Variants in LY96 observed in about 807,000 individuals in gnomAD.
The protein encoded by LY96 is myeloid differentiation protein-2.
A neutral mutation model predicts 18.9 loss-of-function variants in LY96; 18 were observed. The ratio of observed to expected loss-of-function variants is 0.95; its 90% CI spans 0.66 to 1.41. The LOEUF is 1.41. Ranked by LOEUF, LY96 falls within the 40% of genes most tolerant of loss-of-function variation. The pLI, the probability that LY96 is intolerant of heterozygous loss-of-function variation, is 0.00. For missense variants in LY96, 175 were observed against 182.4 expected, an observed-to-expected ratio of 0.96 and a Z score of 0.23; for synonymous variants, 66 against 62.6, an observed-to-expected ratio of 1.06 and a Z score of -0.26.
At chr8:74,082,312 G>T in the LY96 span, among the ~76,000 whole-genome samples, 1 of 151,960 alleles carries the variant, frequency 6.6e-6, no homozygotes, top group South Asian at 2.1e-4. Context: ...TTTTCTTCTG[G>T]TTGAGCATGT....
chr8:74,039,597 C>A, the LY96 span, among the ~76,000 whole-genome samples: 1 of 152,076 alleles, frequency 6.6e-6, no homozygotes, highest in African/African-American at 2.4e-5. Context: ...GAGGGTGGAT[C>A]TTCTAAGTGA....
Position 74,001,228 on chromosome 8 carries a change from A to AAT in LY96, c.113-3568_113-3567insAT, listed in dbSNP as rs1554601161. Among the ~76,000 whole-genome samples the AAT allele has an allele frequency of 2.7e-3, 382 of 140,502 alleles. 1 individual carries two copies. Among genetic ancestry groups the AAT allele is most frequent in the African/African-American group, 9.5e-3 (361 of 38,074 alleles). 92.2% of individuals were successfully genotyped at this position (140,502 alleles called of 152,430 possible). A position where few individuals can be genotyped will look rare whatever the true frequency, so the allele number is the denominator to read the frequency against. ...AGCCTCTATCTCTAAAAAAAAAAAA[A>AAT]TTTTTTTTTTTTTTTGAGACAGTCT... On this transcript the variant is annotated intron_variant, in intron 1 of 4. Coordinates refer to ENST00000284818, the MANE Select transcript of LY96 (RefSeq NM_015364.5).
At chr8:74,086,695 T>C in the LY96 span, among the ~76,000 whole-genome samples, 1 of 152,236 alleles carries the variant, frequency 6.6e-6, no homozygotes, top group Non-Finnish European at 1.5e-5. Flanking sequence ...CAAATTTATG[T>C]TGAAACCTAA....
chr8:74,086,862 A>G, the LY96 span, among the ~76,000 whole-genome samples: 3 of 152,354 alleles, frequency 2.0e-5, no homozygotes, highest in Admixed American at 6.5e-5. Context: ...AAAGAAGTGC[A>G]GCCCTCGCTA....
At chr8:74,009,912 G>T in intron 2 of LY96, 89 bp from the exon 3 acceptor site, 1 of 901,158 alleles carries the variant, frequency 1.1e-6, no homozygotes. Flanking sequence ...GAAAAGCACA[G>T]GGCCCCTTTT....
intron 1 of LY96, among the ~76,000 whole-genome samples, chr8:73,993,575 T>TG (rs1816056542): frequency 6.6e-6 from 1 of 152,060 alleles, no homozygotes; most frequent in Non-Finnish European, 1.5e-5. Context: ...CCCGAGTAGC[T>TG]GGGATTATAG....
At chr8:74,085,490 C>T in the LY96 span, among the ~76,000 whole-genome samples, 9 of 152,206 alleles carry the variant, frequency 5.9e-5, no homozygotes, top group Non-Finnish European at 1.3e-4. Flanking sequence ...TGCCAATCAC[C>T]CACGAAACCA....
chr8:74,059,994 C>T, the LY96 span, among the ~76,000 whole-genome samples: 1 of 152,082 alleles, frequency 6.6e-6, no homozygotes, highest in African/African-American at 2.4e-5. Flanking sequence ...CAAAAATTAG[C>T]TGTGCGTGGT....
chr8:74,037,454 C>G, the LY96 span, among the ~76,000 whole-genome samples: 1 of 151,894 alleles, frequency 6.6e-6, no homozygotes, highest in Admixed American at 6.6e-5. Context: ...CACTGTGAGA[C>G]CCTGTCTGTA....
At chr8:74,066,180 T>G in the LY96 span, among the ~76,000 whole-genome samples, 1 of 152,062 alleles carries the variant, frequency 6.6e-6, no homozygotes, top group East Asian at 1.9e-4. Context: ...CTCGGTTTCA[T>G]AGATGGCACC....
chr8:74,092,495 TC>T, the LY96 span, among the ~76,000 whole-genome samples: 1 of 152,268 alleles, frequency 6.6e-6, no homozygotes, highest in African/African-American at 2.4e-5. Context: ...CTCCATCACA[TC>T]CACTGACTCC....
At chr8:74,014,048 G>A (rs962831062) in intron 3 of LY96, among the ~76,000 whole-genome samples, 1 of 151,944 alleles carries the variant, frequency 6.6e-6, no homozygotes, top group Non-Finnish European at 1.5e-5. Context: ...TGAACGAGAC[G>A]GCGGCCAGGG....
chr8:74,056,868 CTAGT>C, the LY96 span, among the ~76,000 whole-genome samples: 1 of 152,158 alleles, frequency 6.6e-6, no homozygotes, highest in Non-Finnish European at 1.5e-5. Context: ...GAGCGTGGAA[CTAGT>C]TGAGCTCACT....
chr8:74,041,679 T>C, the LY96 span, among the ~76,000 whole-genome samples: 16 of 152,270 alleles, frequency 1.1e-4, no homozygotes, highest in African/African-American at 3.6e-4. Flanking sequence ...TCTCCTGCAG[T>C]ATCCTCAGGC....
intron 3 of LY96, among the ~76,000 whole-genome samples, chr8:74,021,960 T>A (rs769508960): frequency 2.6e-5 from 4 of 151,780 alleles, no homozygotes; most frequent in Non-Finnish European, 4.4e-5. Context: ...TTAGGAGAAA[T>A]ACCTAATGTA....
At chr8:74,027,520 G>T (rs976899144) in intron 4 of LY96, among the ~76,000 whole-genome samples, 4 of 152,050 alleles carry the variant, frequency 2.6e-5, no homozygotes, top group Non-Finnish European at 5.9e-5. Flanking sequence ...GCCCAGGCTG[G>T]TCTCAAACTC....
intron 4 of LY96, 80 bp downstream of exon 4, chr8:74,026,921 A>G: frequency 1.3e-6 from 1 of 747,284 alleles, no homozygotes; most frequent in Non-Finnish European, 2.3e-6. Flanking sequence ...AGCAATTCAC[A>G]ACTTCTTCCT....
chr8:74,013,057 A>G (rs1200883392), intron 3 of LY96, among the ~76,000 whole-genome samples: 1 of 152,090 alleles, frequency 6.6e-6, no homozygotes, highest in Non-Finnish European at 1.5e-5. Context: ...CCTGGGCTGA[A>G]GTCATCATCT....
chr8:74,043,020 C>G, the LY96 span, among the ~76,000 whole-genome samples: 3 of 152,114 alleles, frequency 2.0e-5, no homozygotes, highest in Non-Finnish European at 2.9e-5. Context: ...CATGATCCAC[C>G]CACTTCAGCC....
Sources: gnomAD v4.1 joint callset for allele counts (sites outside exome capture counted in the v4.1 genomes callset) on GRCh38, gnomAD v4.1.1 for gene constraint, MANE v1.5 for transcripts, NCBI Gene and HGNC (gene_info 2026-07-23, HGNC 2026-07-21) for gene names.